Variants in TRAPPC9 observed in about 807,000 individuals in gnomAD.
The protein encoded by TRAPPC9 is trafficking protein particle complex subunit 9, also known as IKK2 binding protein.
In TRAPPC9, 83 loss-of-function variants were observed where a neutral mutation model predicts 124.0. The observed-to-expected ratio is 0.67, with a 90% confidence interval of 0.56 to 0.80. TRAPPC9 has a LOEUF of 0.80. TRAPPC9 is among the 30% of genes least tolerant of loss of function. The pLI is 0.00. For missense variants in TRAPPC9, 1,302 were observed against 1,508.3 expected (o/e 0.86, Z 2.27); for synonymous variants, 638 against 617.5 (o/e 1.03, Z -0.49).
intron 21 of TRAPPC9, among the ~76,000 whole-genome samples, chr8:139,793,258 C>A (rs1188161988): frequency 1.3e-5 from 2 of 152,190 alleles, no homozygotes; most frequent in East Asian, 3.9e-4. Flanking sequence ...CTGTCCCAAC[C>A]AGACTCCTTT....
At chr8:140,397,050 G>C (rs574464985) in intron 7 of TRAPPC9, among the ~76,000 whole-genome samples, 46 of 152,248 alleles carry the variant, frequency 3.0e-4, no homozygotes, top group African/African-American at 1.1e-3. Context: ...CTTGGTCTCA[G>C]TTTCCCTATC....
chr8:139,969,708 C>T (rs1835938101), intron 19 of TRAPPC9, among the ~76,000 whole-genome samples: 1 of 152,244 alleles, frequency 6.6e-6, no homozygotes, highest in Non-Finnish European at 1.5e-5. Context: ...CCTCGCCCCC[C>T]AGTGCCACCA....
intron 17 of TRAPPC9, among the ~76,000 whole-genome samples, chr8:140,077,228 G>A (rs887996667): frequency 3.3e-5 from 5 of 152,138 alleles, no homozygotes; most frequent in African/African-American, 1.2e-4. Flanking sequence ...ATTTGTTTGT[G>A]TATTGAACAA....
chr8:139,989,307 T>TTGTG (rs10583792), intron 18 of TRAPPC9, among the ~76,000 whole-genome samples: 24 of 134,034 alleles, frequency 1.8e-4, no homozygotes, highest in East Asian at 7.8e-4. Flanking sequence ...CATGTCCTGC[T>TTGTG]TGTGTGTGTG....
intron 19 of TRAPPC9, among the ~76,000 whole-genome samples, chr8:139,947,924 C>CGCGAGAGA (rs55786926): frequency 1.2e-5 from 1 of 83,488 alleles, no homozygotes; most frequent in Non-Finnish European, 2.3e-5. Flanking sequence ...AGAGAGAGAG[C>CGCGAGAGA]GAGAGAGAGA....
At chr8:140,300,339 G>A (rs1181209063) in intron 11 of TRAPPC9, 130 bp downstream of exon 11, 27 of 1,194,286 alleles carry the variant, frequency 2.3e-5, no homozygotes, top group South Asian at 3.7e-5. Flanking sequence ...ATATGCATGC[G>A]TGCACACATC....
At chr8:140,072,609 AGG>A (rs1308597003) in intron 17 of TRAPPC9, among the ~76,000 whole-genome samples, 7 of 141,646 alleles carry the variant, frequency 4.9e-5, no homozygotes, top group Non-Finnish European at 1.1e-4. Flanking sequence ...GAGGAGGAGG[AGG>A]AGGAGGAGGA....
intron 21 of TRAPPC9, among the ~76,000 whole-genome samples, chr8:139,773,858 C>G (rs1297107293): frequency 6.6e-6 from 1 of 152,230 alleles, no homozygotes. Flanking sequence ...ATTAAAATGT[C>G]TAAAAATAAA....
At chr8:140,436,214 A>G (rs2090922) in intron 3 of TRAPPC9, among the ~76,000 whole-genome samples, 1 of 151,720 alleles carries the variant, frequency 6.6e-6, no homozygotes, top group African/African-American at 2.4e-5. Flanking sequence ...GGCATGATAA[A>G]ACACACCTGT....
At position 139,832,401 on chromosome 8, in the gene TRAPPC9, C is replaced by A. The variant is rs151317137; in HGVS notation, c.3055+53478G>T. Among the ~76,000 whole-genome samples, 598 of 152,332 alleles carry A rather than the reference C, an allele frequency of 3.9e-3. 5 individuals carry two copies. Among genetic ancestry groups the A allele is most frequent in the African/African-American group, 0.014 (574 of 41,578 alleles). On this transcript the variant is annotated intron_variant, in intron 21 of 22. Transcript: ENST00000438773. ...GTTCGCGTGGAGCAGCTAGTGAGAC[C>A]TGCCGCTCCTGCCAGAAGCCCAGCC...
intron 18 of TRAPPC9, among the ~76,000 whole-genome samples, chr8:139,994,712 G>A (rs1304847218): frequency 6.6e-6 from 1 of 151,996 alleles, no homozygotes; most frequent in East Asian, 1.9e-4. Flanking sequence ...GGTAAACAAG[G>A]GCCTCCCTGA....
intron 21 of TRAPPC9, among the ~76,000 whole-genome samples, chr8:139,815,675 C>A (rs1824780400): frequency 6.6e-6 from 1 of 152,178 alleles, no homozygotes; most frequent in Non-Finnish European, 1.5e-5. Context: ...CAGGCGTGAG[C>A]CACAGCGCCC....
chr8:140,316,458 T>C (rs1423549469), intron 9 of TRAPPC9, among the ~76,000 whole-genome samples: 1 of 152,184 alleles, frequency 6.6e-6, no homozygotes, highest in Non-Finnish European at 1.5e-5. Context: ...AGAGTTTTTA[T>C]CATGAAGGGA....
At chr8:139,921,890 C>A (rs970447781) in intron 19 of TRAPPC9, among the ~76,000 whole-genome samples, 1 of 151,380 alleles carries the variant, frequency 6.6e-6, no homozygotes, top group Non-Finnish European at 1.5e-5. Flanking sequence ...ACCTGCCCCC[C>A]ACTGCCACAT....
intron 21 of TRAPPC9, among the ~76,000 whole-genome samples, chr8:139,857,365 T>A (rs890762069): frequency 6.6e-6 from 1 of 152,214 alleles, no homozygotes. Flanking sequence ...ATATTTCCAG[T>A]GTGCTCGCTG....
intron 7 of TRAPPC9, among the ~76,000 whole-genome samples, chr8:140,396,348 A>T (rs890966417): frequency 1.3e-5 from 2 of 151,580 alleles, no homozygotes; most frequent in Admixed American, 6.6e-5. Context: ...TCACCATGTT[A>T]TCCAGGATGG....
chr8:139,736,734 G>C (rs987311497), intron 21 of TRAPPC9, among the ~76,000 whole-genome samples: 1 of 152,248 alleles, frequency 6.6e-6, no homozygotes. Context: ...GTGACCGCAT[G>C]GCAGGGCTGT....
At chr8:140,152,235 T>TAAAAAAA (rs71320343) in intron 17 of TRAPPC9, among the ~76,000 whole-genome samples, 16 of 106,692 alleles carry the variant, frequency 1.5e-4, no homozygotes, top group African/African-American at 5.1e-4. Flanking sequence ...ACTTAAGCTT[T>TAAAAAAA]AAAAAAAAAA....
chr8:139,798,549 G>T (rs886244599), intron 21 of TRAPPC9, among the ~76,000 whole-genome samples: 1 of 152,208 alleles, frequency 6.6e-6, no homozygotes, highest in Non-Finnish European at 1.5e-5. Flanking sequence ...TTTTTTCAAA[G>T]ACAGGGGCAC....
Sources: gnomAD v4.1 joint callset for allele counts (sites outside exome capture counted in the v4.1 genomes callset) on GRCh38, gnomAD v4.1.1 for gene constraint, MANE v1.5 for transcripts, NCBI Gene and HGNC (gene_info 2026-07-23, HGNC 2026-07-21) for gene names.